The following PTPRR variants were observed in gnomAD, a reference collection of about 807,000 sequenced individuals.
PTPRR encodes receptor-type tyrosine-protein phosphatase R.
In PTPRR, 38 loss-of-function variants were observed where a neutral mutation model predicts 77.2. That is an observed-to-expected ratio of 0.49 (90% CI 0.38 to 0.65). The LOEUF (loss-of-function observed/expected upper bound fraction) is 0.65. PTPRR is among the 30% of genes least tolerant of loss of function. The pLI is 0.00. For missense variants in PTPRR, 744 were observed against 799.2 expected, an observed-to-expected ratio of 0.93 and a Z score of 0.83; for synonymous variants, 299 against 283.1, an observed-to-expected ratio of 1.06 and a Z score of -0.57.
intron 10 of PTPRR, among the ~76,000 whole-genome samples, chr12:70,673,972 G>C (rs1427561880): frequency 1.3e-5 from 2 of 151,726 alleles, no homozygotes; most frequent in Non-Finnish European, 2.9e-5. Flanking sequence ...CATTTTGTTG[G>C]CCAGGCTGAA....
At chr12:70,690,383 T>C (rs1370282301) in intron 8 of PTPRR, among the ~76,000 whole-genome samples, 1 of 152,208 alleles carries the variant, frequency 6.6e-6, no homozygotes, top group African/African-American at 2.4e-5. Context: ...ATCTGGGGTT[T>C]GTATATATTC....
intron 2 of PTPRR, among the ~76,000 whole-genome samples, chr12:70,843,808 A>ATTTTTTTTTTTTTTTTTTTTTTTT (rs201003875): frequency 8.0e-6 from 1 of 124,658 alleles, no homozygotes. Context: ...GTTGCTGAAA[A>ATTTTTTTTTTTTTTTTTTTTTTTT]TTTTTTTTTT....
chr12:70,757,258 T>C (rs1311293074), intron 4 of PTPRR, among the ~76,000 whole-genome samples: 1 of 152,194 alleles, frequency 6.6e-6, no homozygotes, highest in Non-Finnish European at 1.5e-5. Context: ...GGACTTTTAT[T>C]TAAAGAAGGT....
At chr12:70,760,035 C>T (rs1444213526) in intron 4 of PTPRR, among the ~76,000 whole-genome samples, 2 of 152,130 alleles carry the variant, frequency 1.3e-5, no homozygotes, top group African/African-American at 4.8e-5. Flanking sequence ...AAACCAAATG[C>T]AGGAAGACCA....
Position 70,639,149 on chromosome 12 carries a change from C to A in PTPRR, c.*35G>T. On this transcript the variant is annotated 3_prime_UTR_variant, in exon 14 of 14. Coordinates refer to ENST00000283228, the MANE Select transcript of PTPRR (RefSeq NM_002849.4). ...TGGGTGGGTAATTTGATTAATCACCCCAAGAGATTGATGGTCTGACAAGTC... is the reference window on the plus strand; with the variant it reads ...TGGGTGGGTAATTTGATTAATCACCACAAGAGATTGATGGTCTGACAAGTC... The A allele has an allele frequency of 6.3e-7, 1 of 1,579,394 alleles. No homozygotes were observed. The highest frequency in any genetic ancestry group is 8.7e-7 in the Non-Finnish European group (1 of 1,153,240).
intron 7 of PTPRR, 35 bp downstream of exon 7, chr12:70,701,102 C>G: frequency 6.2e-7 from 1 of 1,608,490 alleles, no homozygotes. Flanking sequence ...TATCAAAATA[C>G]CGACTGAAGA....
intron 2 of PTPRR, among the ~76,000 whole-genome samples, chr12:70,862,335 G>A (rs1892766967): frequency 6.6e-6 from 1 of 151,850 alleles, no homozygotes; most frequent in African/African-American, 2.4e-5. Flanking sequence ...TAGTTAAGTG[G>A]TCAACGATTG....
chr12:70,913,716 T>G (rs1715946476), intron 1 of PTPRR, among the ~76,000 whole-genome samples: 1 of 152,150 alleles, frequency 6.6e-6, no homozygotes, highest in African/African-American at 2.4e-5. Context: ...CATCTCCATT[T>G]CCTTGTTGTC....
rs542680527 is a variant in PTPRR, at chr12:70,865,882, C to A, written c.357+26797G>T. ...CTAAAGAGAGAAGCCATGACGCAAC[C>A]ACCTCAAAACAAGACACTGTTATAC... On this transcript the variant is annotated intron_variant, in intron 2 of 13. Transcript: ENST00000283228. Among the ~76,000 whole-genome samples, 37 of 152,154 alleles carry A rather than the reference C, an allele frequency of 2.4e-4. No individual in the cohort carries two copies. In the South Asian group the frequency reaches 4.8e-3, roughly 20 times the overall value.
At chr12:70,879,139 T>C (rs1893105377) in intron 2 of PTPRR, among the ~76,000 whole-genome samples, 1 of 152,038 alleles carries the variant, frequency 6.6e-6, no homozygotes, top group Non-Finnish European at 1.5e-5. Flanking sequence ...CATTGGGAGA[T>C]ATACCCAATG....
At chr12:70,668,585 T>G (rs1887099560) in intron 10 of PTPRR, among the ~76,000 whole-genome samples, 1 of 152,196 alleles carries the variant, frequency 6.6e-6, no homozygotes, top group African/African-American at 2.4e-5. Context: ...GAATTTAACA[T>G]GGCACACTTA....
intron 1 of PTPRR, among the ~76,000 whole-genome samples, chr12:70,916,051 T>TA (rs1262912826): frequency 6.6e-6 from 1 of 151,694 alleles, no homozygotes; most frequent in Non-Finnish European, 1.5e-5. Context: ...GAAACTACAA[T>TA]AAAAAAAGTA....
chr12:70,841,535 T>G (rs1048023689), intron 2 of PTPRR, among the ~76,000 whole-genome samples: 4 of 152,100 alleles, frequency 2.6e-5, no homozygotes, highest in Non-Finnish European at 4.4e-5. Context: ...CCATAAAAAA[T>G]AGCTGAAAAC....
intron 6 of PTPRR, among the ~76,000 whole-genome samples, chr12:70,708,286 A>G (rs903309840): frequency 6.6e-6 from 1 of 152,114 alleles, no homozygotes; most frequent in African/African-American, 2.4e-5. Context: ...TGAATTGGTT[A>G]GGGGGATGCT....
At chr12:70,709,054 A>G (rs1456222314) in intron 6 of PTPRR, among the ~76,000 whole-genome samples, 1 of 152,172 alleles carries the variant, frequency 6.6e-6, no homozygotes, top group African/African-American at 2.4e-5. Context: ...TCCTTGATGA[A>G]CATTGATACA....
At chr12:70,872,601 C>T (rs893713627) in intron 2 of PTPRR, among the ~76,000 whole-genome samples, 22 of 143,834 alleles carry the variant, frequency 1.5e-4, no homozygotes, top group African/African-American at 3.1e-4. Context: ...GAGGCTGAGG[C>T]GGGAGAATGG....
Position 70,745,852 on chromosome 12 carries a change from G to A in PTPRR, c.973C>T (p.Pro325Ser), listed in dbSNP as rs140514774. 63 of 1,613,988 alleles carry A rather than the reference G, an allele frequency of 3.9e-5. No homozygotes were observed. The highest frequency in any genetic ancestry group is 8.3e-5 in the Admixed American group (5 of 59,992). ...ATTATSVCPSPFKMKPIGLQE... is the reference protein window; with the variant it reads ...ATTATSVCPSSFKMKPIGLQE... ...AGTCCTATGGGCTTCATTTTGAAAGGAGAAGGGCAAACAGAGGTAGCGGTG... is the reference window on the plus strand; with the variant it reads ...AGTCCTATGGGCTTCATTTTGAAAGAAGAAGGGCAAACAGAGGTAGCGGTG... Residue 325 changes from proline to serine, a missense_variant, in exon 6 of 14, where the codon CCT (proline) becomes TCT (serine). Pro to Ser is a moderately conservative substitution (Grantham distance 74). Coordinates refer to ENST00000283228, the MANE Select transcript of PTPRR (RefSeq NM_002849.4).
chr12:70,698,244 T>C (rs1295561467), intron 8 of PTPRR, 21 bp downstream of exon 8: 1 of 1,604,348 alleles, frequency 6.2e-7, no homozygotes, highest in Admixed American at 1.7e-5. Flanking sequence ...ACAATGCAAA[T>C]TATAAAATCA....
intron 2 of PTPRR, among the ~76,000 whole-genome samples, chr12:70,807,552 T>C (rs1176884775): frequency 6.6e-6 from 1 of 152,238 alleles, no homozygotes; most frequent in Non-Finnish European, 1.5e-5. Context: ...CAGTATATTT[T>C]AAATTCCTTG....
Sources: allele counts gnomAD v4.1 joint callset (sites outside exome capture counted in the v4.1 genomes callset), GRCh38; gene constraint gnomAD v4.1.1; transcripts MANE v1.5; gene names NCBI Gene and HGNC (gene_info 2026-07-23, HGNC 2026-07-21).